Variants in DCAF5 observed in about 807,000 individuals in gnomAD.
DCAF5 encodes DDB1- and CUL4-associated factor 5.
A neutral mutation model predicts 80.7 loss-of-function variants in DCAF5; 9 were observed. The observed-to-expected ratio is 0.11, with a 90% CI of 0.07 to 0.19. The LOEUF (loss-of-function observed/expected upper bound fraction) is 0.19, where lower values mean the gene tolerates loss of function less well. Ranked by LOEUF, DCAF5 falls within the 10% of genes least tolerant of loss-of-function variation. DCAF5 has a pLI of 1.00. For missense variants in DCAF5, 842 were observed against 1,205.7 expected, an observed-to-expected ratio of 0.70 and a Z score of 4.47; for synonymous variants, 433 against 461.9, an observed-to-expected ratio of 0.94 and a Z score of 0.80.
chr14:69,061,349 T>A, intron 8 of DCAF5, among the ~76,000 whole-genome samples: 1 of 152,152 alleles, frequency 6.6e-6, no homozygotes, highest in East Asian at 1.9e-4. Context: ...TTAAAAGTCA[T>A]TATCTCAGGG....
At chr14:69,076,907 G>A (rs1439561570) in intron 6 of DCAF5, among the ~76,000 whole-genome samples, 1 of 152,164 alleles carries the variant, frequency 6.6e-6, no homozygotes, top group African/African-American at 2.4e-5. Context: ...TGATATCTTT[G>A]AGCAGGAAGC....
At chr14:69,148,487 G>C (rs1055942149) in intron 1 of DCAF5, among the ~76,000 whole-genome samples, 2 of 152,146 alleles carry the variant, frequency 1.3e-5, no homozygotes, top group Non-Finnish European at 2.9e-5. Context: ...ATGAGGTCAG[G>C]AGTTTGAGAC....
chr14:69,096,699 T>C (rs765063787), intron 5 of DCAF5, among the ~76,000 whole-genome samples: 30 of 152,168 alleles, frequency 2.0e-4, no homozygotes, highest in Non-Finnish European at 5.9e-5. Context: ...TAAGAGGCAG[T>C]ATAATAACAG....
chr14:69,083,845 G>A (rs1471809016), intron 6 of DCAF5: 1 of 742,052 alleles, frequency 1.3e-6, no homozygotes, highest in Admixed American at 2.0e-5. Context: ...TGAGAAGCCA[G>A]ATGATGAAGA....
intron 6 of DCAF5, chr14:69,084,014 A>G (rs1201804345): frequency 1.3e-6 from 1 of 780,488 alleles, no homozygotes; most frequent in African/African-American, 1.7e-5. Context: ...GTATCAGACC[A>G]CCTCTGGAAG....
intron 5 of DCAF5, among the ~76,000 whole-genome samples, chr14:69,109,087 A>T (rs914190488): frequency 6.6e-6 from 1 of 152,120 alleles, no homozygotes; most frequent in Non-Finnish European, 1.5e-5. Flanking sequence ...CACACCTGTA[A>T]TCCCAGCACT....
chr14:69,064,177 G>A (rs956389773), intron 7 of DCAF5, among the ~76,000 whole-genome samples: 4 of 152,086 alleles, frequency 2.6e-5, no homozygotes, highest in African/African-American at 9.7e-5. Flanking sequence ...GGGATAAATA[G>A]GAATCTAAAG....
At position 69,098,145 on chromosome 14, in the gene DCAF5, C is replaced by CT. The variant is rs1566751690; in HGVS notation, c.666-6259dup. Among the ~76,000 whole-genome samples the CT allele has an allele frequency of 8.8e-3, 1,328 of 151,664 alleles. 22 individuals are homozygous for CT. Among genetic ancestry groups the CT allele is most frequent in the African/African-American group, 0.031 (1,268 of 41,360 alleles). On this transcript the variant is annotated intron_variant, in intron 5 of 8. Coordinates refer to ENST00000341516, the MANE Select transcript of DCAF5 (RefSeq NM_003861.3). ...GTCTGTGACCCCACCTCCTAGGACT[C>CT]TCTTACCTTATTCAACTTCAACCAC...
intron 5 of DCAF5, among the ~76,000 whole-genome samples, chr14:69,113,405 G>C (rs901385317): frequency 2.0e-5 from 3 of 152,108 alleles, no homozygotes; most frequent in Non-Finnish European, 4.4e-5. Context: ...GTCTCTATGA[G>C]AACTTGGTAA....
intron 5 of DCAF5, 108 bp from the exon 6 acceptor site, chr14:69,091,995 G>A (rs1158918540): frequency 2.2e-6 from 2 of 907,666 alleles, no homozygotes; most frequent in African/African-American, 1.7e-5. Flanking sequence ...CTGAATTTCA[G>A]CAAAAGGATA....
chr14:69,118,585 T>TG lies in DCAF5; in HGVS notation c.396-308dup, dbSNP rs2040611173. Among the ~76,000 whole-genome samples, 1 of 152,178 alleles carries TG rather than the reference T, an allele frequency of 6.6e-6. No homozygotes were observed. ...GAATGCATCTGCTTGTGTACAGATT[T>TG]GGGGGTCATACTTGATTTTCAAAAA... On this transcript the variant is annotated intron_variant, in intron 3 of 8. Coordinates refer to ENST00000341516, the MANE Select transcript of DCAF5 (RefSeq NM_003861.3). The surrounding 1 kb of genome is among the most constrained non-coding windows in gnomAD (Gnocchi z 4.0).
At chr14:69,095,708 C>T (rs1345271393) in intron 5 of DCAF5, among the ~76,000 whole-genome samples, 1 of 152,202 alleles carries the variant, frequency 6.6e-6, no homozygotes, top group East Asian at 1.9e-4. Flanking sequence ...CGTATCACTT[C>T]TAGCACAACA....
At chr14:69,084,909 C>A in intron 6 of DCAF5, 1 of 1,399,722 alleles carries the variant, frequency 7.1e-7, no homozygotes, top group Non-Finnish European at 1.0e-6. Context: ...GAATAATATT[C>A]ATCGTGTGGG....
intron 8 of DCAF5, among the ~76,000 whole-genome samples, chr14:69,060,688 C>T (rs1028964609): frequency 6.6e-6 from 1 of 152,144 alleles, no homozygotes; most frequent in Non-Finnish European, 1.5e-5. Flanking sequence ...CACACCACCA[C>T]ACCCGACTAA....
At position 69,084,878 on chromosome 14, in the gene DCAF5, G is replaced by A. The variant is rs2039257843; in HGVS notation, c.879+6796C>T. 2.4e-6 allele frequency: 3 copies of A among 1,270,872 alleles called. No homozygotes were observed. In the Admixed American group the frequency reaches 5.1e-5, roughly 22 times the overall value. The allele number at this position is 1,270,872 out of a possible 1,614,324, so 78.7% of individuals were successfully genotyped here. On this transcript the variant is annotated intron_variant, in intron 6 of 8. Transcript: ENST00000341516. The stretch of plus-strand genomic sequence containing the variant: ...TGAAGTCAACTGGATTGTTCAGTAT[G>A]ACCCTCCGGATGACCCTAAGGAATA...
intron 5 of DCAF5, among the ~76,000 whole-genome samples, chr14:69,112,973 C>T (rs2040422141): frequency 6.6e-6 from 1 of 152,070 alleles, no homozygotes; most frequent in South Asian, 2.1e-4. Flanking sequence ...TTAATCTGTA[C>T]AATGAGGAAG....
At chr14:69,101,636 T>C (rs1288565598) in intron 5 of DCAF5, among the ~76,000 whole-genome samples, 1 of 152,252 alleles carries the variant, frequency 6.6e-6, no homozygotes, top group Non-Finnish European at 1.5e-5. Flanking sequence ...GACAGGAATA[T>C]GTTCTACGAA....
chr14:69,102,542 C>CT (rs529729141), intron 5 of DCAF5, among the ~76,000 whole-genome samples: 8,540 of 129,668 alleles, frequency 0.066, 849 homozygotes, highest in African/African-American at 0.22. Context: ...TATCCTTATT[C>CT]TTTTTTTTTT....
intron 7 of DCAF5, among the ~76,000 whole-genome samples, chr14:69,070,800 T>G (rs866068385): frequency 1.9e-4 from 29 of 151,992 alleles, no homozygotes; most frequent in Admixed American, 3.9e-4. Flanking sequence ...CTTTTTTTTT[T>G]TTTGTTTTTC....
Sources: allele counts gnomAD v4.1 joint callset (sites outside exome capture counted in the v4.1 genomes callset), GRCh38; gene constraint gnomAD v4.1.1; non-coding constraint Gnocchi (gnomAD v3.1); transcripts MANE v1.5; gene names NCBI Gene and HGNC (gene_info 2026-07-23, HGNC 2026-07-21).